BFSP2: variants seen among roughly 807,000 people sequenced by gnomAD.
BFSP2 encodes the protein beaded filament structural protein 2, also known as phakinin.
BFSP2 carries 38 observed loss-of-function variants against 44.9 expected under a neutral mutation model. The ratio of observed to expected loss-of-function variants is 0.85; its 90% CI spans 0.65 to 1.11. BFSP2 has a LOEUF of 1.11. Among genes scored for constraint, BFSP2 ranks in the 50% least tolerant of loss-of-function variants. BFSP2 has a pLI of 0.00. For synonymous variants in BFSP2, 197 were observed against 209.9 expected (o/e 0.94, Z 0.53); for missense variants, 525 against 533.0 (o/e 0.99, Z 0.15).
At chr3:133,430,964 A>T (rs2073710392) in intron 1 of BFSP2, among the ~76,000 whole-genome samples, 1 of 152,098 alleles carries the variant, frequency 6.6e-6, no homozygotes, top group Non-Finnish European at 1.5e-5. Context: ...TTACTCTTAA[A>T]AAGGTGGCTG....
At position 133,461,399 on chromosome 3, in the gene BFSP2, C is replaced by A. The variant is rs529531946; in HGVS notation, c.892-5429C>A. On this transcript the variant is annotated intron_variant, in intron 4 of 6. Transcript: ENST00000302334. ...CAGAAGTAATTGCACTCCTACCCTG[C>A]TGGAGTGCAAACACGGGCGGCTCAG... Among the ~76,000 whole-genome samples the A allele has an allele frequency of 5.9e-5, 9 of 152,316 alleles. No homozygotes were observed. In the South Asian group the frequency reaches 1.9e-3, roughly 32 times the overall value.
At chr3:133,470,471 C>T (rs987645932) in intron 5 of BFSP2, among the ~76,000 whole-genome samples, 1 of 152,100 alleles carries the variant, frequency 6.6e-6, no homozygotes, top group African/African-American at 2.4e-5. Context: ...ATTAAAAAGC[C>T]AGATGCTAAA....
chr3:133,403,688 A>C (rs2073380443), intron 1 of BFSP2, among the ~76,000 whole-genome samples: 1 of 152,138 alleles, frequency 6.6e-6, no homozygotes, highest in African/African-American at 2.4e-5. Flanking sequence ...TTGCTTTCAG[A>C]GGGGGAGAAG....
intron 5 of BFSP2, among the ~76,000 whole-genome samples, chr3:133,469,295 A>G (rs1384398127): frequency 6.6e-6 from 1 of 152,260 alleles, no homozygotes; most frequent in South Asian, 2.1e-4. Context: ...TTTCAGATAC[A>G]GGAAGTTCAT....
Position 133,447,300 on chromosome 3 carries a change from G to C in BFSP2, c.490-17G>C. 1 of 1,613,750 alleles carries C rather than the reference G, an allele frequency of 6.2e-7. No individual in the cohort carries two copies. The highest frequency in any genetic ancestry group is 1.1e-5 in the South Asian group (1 of 91,042). On this transcript the variant is annotated splice_polypyrimidine_tract_variant and intron_variant, in intron 1 of 6. Coordinates refer to ENST00000302334, the MANE Select transcript of BFSP2 (RefSeq NM_003571.4). Reference sequence around the variant, plus strand: ...TCCCAGTGACCTTGTCTCCTTTGGTGTGTGTGATCGCTCTAGGTGGGTGAG... The same window carrying C: ...TCCCAGTGACCTTGTCTCCTTTGGTCTGTGTGATCGCTCTAGGTGGGTGAG...
chr3:133,458,517 A>G (rs979799505), intron 4 of BFSP2, among the ~76,000 whole-genome samples: 4 of 152,032 alleles, frequency 2.6e-5, no homozygotes, highest in Non-Finnish European at 5.9e-5. Flanking sequence ...AACATGGTGA[A>G]ACCACGTCTC....
chr3:133,447,282 GACCTTGTCTC>G (rs757692124), intron 1 of BFSP2, 25 bp from the exon 2 acceptor site: 3 of 1,611,112 alleles, frequency 1.9e-6, no homozygotes, highest in Non-Finnish European at 2.5e-6. Context: ...CGCTCCCAGT[GACCTTGTCTC>G]CTTTGGTGTG....
At chr3:133,432,236 C>T (rs1185022448) in intron 1 of BFSP2, among the ~76,000 whole-genome samples, 1 of 152,240 alleles carries the variant, frequency 6.6e-6, no homozygotes, top group Non-Finnish European at 1.5e-5. Flanking sequence ...CCGCACAAGT[C>T]TTACAGATTA....
chr3:133,442,576 T>C (rs1252692976), intron 1 of BFSP2, among the ~76,000 whole-genome samples: 1 of 151,466 alleles, frequency 6.6e-6, no homozygotes, highest in African/African-American at 2.4e-5. Context: ...GATCAGGGAG[T>C]TGGAAGGATA....
chr3:133,459,625 T>C (rs554731231), intron 4 of BFSP2, among the ~76,000 whole-genome samples: 10 of 152,330 alleles, frequency 6.6e-5, no homozygotes, highest in South Asian at 6.2e-4. Context: ...TGAAGTTTCA[T>C]TGAGTGAGGC....
At chr3:133,434,007 C>T (rs553141893) in intron 1 of BFSP2, among the ~76,000 whole-genome samples, 33 of 152,308 alleles carry the variant, frequency 2.2e-4, no homozygotes, top group African/African-American at 6.3e-4. Context: ...TCCTATTCAC[C>T]GTTCTCAACT....
intron 1 of BFSP2, among the ~76,000 whole-genome samples, chr3:133,424,268 C>A: frequency 1.2e-5 from 1 of 85,364 alleles, no homozygotes; most frequent in African/African-American, 3.3e-5. Flanking sequence ...TGGAGTTTCG[C>A]CTTCTTGGTC....
chr3:133,450,552 A>ATT, intron 4 of BFSP2, 88 bp downstream of exon 4: 1 of 1,482,020 alleles, frequency 6.7e-7, no homozygotes, highest in South Asian at 1.1e-5. Flanking sequence ...CAGACGAAGA[A>ATT]ATAACAACGG....
chr3:133,439,533 T>C (rs1415835496), intron 1 of BFSP2, among the ~76,000 whole-genome samples: 2 of 151,964 alleles, frequency 1.3e-5, no homozygotes, highest in East Asian at 3.8e-4. Flanking sequence ...CCACAGTGAG[T>C]ATGGGGAGTA....
At chr3:133,433,506 A>G (rs368772388) in intron 1 of BFSP2, among the ~76,000 whole-genome samples, 1 of 152,136 alleles carries the variant, frequency 6.6e-6, no homozygotes, top group African/African-American at 2.4e-5. Flanking sequence ...AGGACTGGCA[A>G]ATTAGCTTTA....
At chr3:133,413,780 A>G (rs1324776695) in intron 1 of BFSP2, among the ~76,000 whole-genome samples, 1 of 152,008 alleles carries the variant, frequency 6.6e-6, no homozygotes, top group East Asian at 1.9e-4. Context: ...CTCCACCACC[A>G]AACTGACCAC....
intron 1 of BFSP2, among the ~76,000 whole-genome samples, chr3:133,437,019 G>T (rs565244515): frequency 6.6e-6 from 1 of 152,294 alleles, no homozygotes; most frequent in African/African-American, 2.4e-5. Context: ...TGGACATTTG[G>T]GTTGGTTCCA....
intron 4 of BFSP2, among the ~76,000 whole-genome samples, chr3:133,461,089 G>A (rs80104155): frequency 0.045 from 6,799 of 152,206 alleles, 264 homozygotes; most frequent in East Asian, 0.22. Context: ...CAAAGGTAGC[G>A]TTTCTGTCAG....
chr3:133,440,282 T>G (rs1332608646), intron 1 of BFSP2, among the ~76,000 whole-genome samples: 1 of 152,092 alleles, frequency 6.6e-6, no homozygotes, highest in Admixed American at 6.5e-5. Flanking sequence ...ACGTGGGGAT[T>G]ATGGGAGCTA....
Sources: gnomAD v4.1 joint callset for allele counts (sites outside exome capture counted in the v4.1 genomes callset) on GRCh38, gnomAD v4.1.1 for gene constraint, MANE v1.5 for transcripts, NCBI Gene and HGNC (gene_info 2026-07-23, HGNC 2026-07-21) for gene names.